Variants in FAIM observed in about 807,000 individuals in gnomAD.
FAIM encodes Fas apoptotic inhibitory molecule, also known as fas apoptotic inhibitory molecule 1.
Under a neutral mutation model 21.2 loss-of-function variants are expected in FAIM, and 14 were observed. That is an observed-to-expected ratio of 0.66 (90% CI 0.44 to 1.03). The LOEUF (loss-of-function observed/expected upper bound fraction) is 1.03, where lower values mean the gene tolerates loss of function less well. Among genes scored for constraint, FAIM ranks in the 50% least tolerant of loss-of-function variants. FAIM has a pLI of 0.00. For missense variants in FAIM, 222 were observed against 247.1 expected, an observed-to-expected ratio of 0.90 and a Z score of 0.68; for synonymous variants, 86 against 80.4, an observed-to-expected ratio of 1.07 and a Z score of -0.37.
At chr3:138,632,837 T>G (rs2108361554) in intron 5 of FAIM, 93 bp from the exon 6 acceptor site, 1 of 1,212,854 alleles carries the variant, frequency 8.2e-7, no homozygotes, top group East Asian at 2.5e-5. Flanking sequence ...TACATTATTT[T>G]ATTGCACTAC....
Position 138,622,396 on chromosome 3 carries a change from A to T in FAIM, c.386A>T (p.Glu129Val). Residue 129 changes from glutamate (E) to valine (V), a missense_variant, in exon 4 of 6, where the codon GAG becomes GTG. Transcript: ENST00000360570. ...ACTTGGGTATTACACATGGATGGTG[A>T]GAACTTTAGAATTGTTTTGGGTAAG... is the stretch of plus-strand genomic sequence containing the variant. ...TNTWVLHMDG[E>V]NFRIVLEKDA... 6.2e-7 allele frequency: 1 copy of T among 1,601,914 alleles called. No homozygotes were observed. The highest frequency in any genetic ancestry group is 8.5e-7 in the Non-Finnish European group (1 of 1,175,956).
chr3:138,622,423 T>A lies in FAIM; in HGVS notation c.406+7T>A. On this transcript the variant is annotated splice_region_variant and intron_variant, in intron 4 of 5. Transcript: ENST00000360570. ...AACTTTAGAATTGTTTTGGGTAAGT[T>A]AGTGCTGTTTCCGCAGAACTTTTTT... 1 of 1,555,610 alleles carries A rather than the reference T, an allele frequency of 6.4e-7. No homozygotes were observed. Among genetic ancestry groups the A allele is most frequent in the South Asian group, 1.2e-5 (1 of 82,540 alleles).
chr3:138,611,659 C>T (rs562675471), intron 1 of FAIM, among the ~76,000 whole-genome samples: 2 of 152,198 alleles, frequency 1.3e-5, no homozygotes, highest in South Asian at 4.1e-4. Flanking sequence ...GGGGCTGATC[C>T]CCAGTGAATA....
At chr3:138,612,363 A>T (rs1160937648) in intron 1 of FAIM, among the ~76,000 whole-genome samples, 1 of 151,986 alleles carries the variant, frequency 6.6e-6, no homozygotes, top group Non-Finnish European at 1.5e-5. Flanking sequence ...GGCCTCCCAA[A>T]GTGCTGGGAT....
Position 138,617,655 on chromosome 3 carries a change from A to T in FAIM, c.-16-2056A>T, listed in dbSNP as rs181202495. 2.8e-3 allele frequency among the ~76,000 whole-genome samples: 385 copies of T among 138,152 alleles called. 1 individual carries two copies. Among genetic ancestry groups the T allele is most frequent in the African/African-American group, 9.9e-3 (370 of 37,222 alleles). The allele number at this position is 138,152 out of a possible 152,430, so 90.6% of individuals were successfully genotyped here. A position where few individuals can be genotyped will look rare whatever the true frequency, so the allele number is the denominator to read the frequency against. On this transcript the variant is annotated intron_variant, in intron 1 of 5. Transcript: ENST00000360570. ...ATCTATATATCATATCTATATATAT[A>T]ATATATATATATATGTTTTGAGACA...
intron 1 of FAIM, chr3:138,609,206 G>A (rs2108326514): frequency 6.6e-6 from 1 of 152,026 alleles, no homozygotes; most frequent in East Asian, 2.0e-4. Context: ...GGCGGGACGC[G>A]GCTCCCGCTC....
chr3:138,614,531 A>C (rs2042806205), intron 1 of FAIM, among the ~76,000 whole-genome samples: 1 of 152,250 alleles, frequency 6.6e-6, no homozygotes, highest in Non-Finnish European at 1.5e-5. Context: ...TTGAATGGAA[A>C]AACTGAAGCC....
chr3:138,622,267 C>A lies in FAIM; in HGVS notation c.257C>A (p.Thr86Asn). 1 of 1,613,580 alleles carries A rather than the reference C, an allele frequency of 6.2e-7. No homozygotes were observed. Among genetic ancestry groups the A allele is most frequent in the Non-Finnish European group, 8.5e-7 (1 of 1,179,880 alleles). ...GTTGGAGCTGCAAAGACAAAAGCGA[C>A]CATAAATATAGACGCTATCAGTGGT... ...FYVGAAKTKA[T>N]INIDAISGFA... The change falls in exon 4 of 6, where the codon ACC becomes AAC. Residue 86 changes from threonine (T) to asparagine (N), a missense_variant. Transcript: ENST00000360570.
At chr3:138,609,553 T>A (rs1476357531) in intron 1 of FAIM, among the ~76,000 whole-genome samples, 2 of 81,720 alleles carry the variant, frequency 2.4e-5, no homozygotes, top group Non-Finnish European at 4.8e-5. Flanking sequence ...TCTCTCTCTC[T>A]CTCTCTCTCT....
At chr3:138,626,191 A>G (rs2042937419) in intron 4 of FAIM, among the ~76,000 whole-genome samples, 1 of 152,124 alleles carries the variant, frequency 6.6e-6, no homozygotes, top group South Asian at 2.1e-4. Context: ...TGCAGCAGCA[A>G]CTCCCATGAG....
chr3:138,619,039 C>A (rs1004236929), intron 1 of FAIM, among the ~76,000 whole-genome samples: 1 of 152,154 alleles, frequency 6.6e-6, no homozygotes, highest in African/African-American at 2.4e-5. Flanking sequence ...GTTACATGAG[C>A]AAGGCACATA....
intron 1 of FAIM, among the ~76,000 whole-genome samples, chr3:138,618,225 A>C (rs1161265536): frequency 1.3e-5 from 2 of 152,072 alleles, no homozygotes; most frequent in East Asian, 3.8e-4. Context: ...ATAATCCTTA[A>C]GAGTAGAAAA....
rs2305269 is a variant in FAIM at position 138,622,493 on chromosome 3, C to T, written c.406+77C>T. On this transcript the variant is annotated intron_variant, in intron 4 of 5. Coordinates refer to ENST00000360570, the MANE Select transcript of FAIM (RefSeq NM_001033031.2). ...TTTAATTCCTGTAACTGTATTCAGA[C>T]CTTCTATGGAGGTTTGAAAAGAAGA... The T allele has an allele frequency of 0.02, 18,834 of 936,798 alleles. 2,186 individuals carry two copies. The East Asian group carries it at 0.31, about 15-fold the overall frequency. 58.0% of individuals were successfully genotyped at this position (936,798 alleles called of 1,614,324 possible). A position where few individuals can be genotyped will look rare whatever the true frequency, so the allele number is the denominator to read the frequency against.
chr3:138,631,717 A>G (rs1415032752), intron 5 of FAIM, among the ~76,000 whole-genome samples: 34 of 152,150 alleles, frequency 2.2e-4, no homozygotes, highest in Admixed American at 2.2e-3. Context: ...TATTTGTCCA[A>G]TTGCCAAGAA....
chr3:138,626,844 A>C (rs947354669), intron 4 of FAIM, among the ~76,000 whole-genome samples: 10 of 152,224 alleles, frequency 6.6e-5, no homozygotes, highest in Non-Finnish European at 1.3e-4. Flanking sequence ...CAGGTTCTCC[A>C]GCAGAACATG....
chr3:138,628,998 T>A, intron 4 of FAIM, 109 bp from the exon 5 acceptor site: 1 of 746,968 alleles, frequency 1.3e-6, no homozygotes, highest in Non-Finnish European at 2.1e-6. Flanking sequence ...ATTAATGGAG[T>A]TTTAGAGATC....
At chr3:138,624,025 T>A (rs1331864109) in intron 4 of FAIM, among the ~76,000 whole-genome samples, 1 of 152,212 alleles carries the variant, frequency 6.6e-6, no homozygotes, top group East Asian at 1.9e-4. Context: ...TGTGCCAATC[T>A]GAATCTCATT....
rs190610348 is a variant in FAIM at position 138,612,121 on chromosome 3, G to A, written c.-17+3184G>A. Reference sequence around the variant, plus strand: ...ATTTTTTTTTTTTTTTTTTTTTTGAGACGGAGTCTCGCTCTGTCACCCAGG... The same window carrying A: ...ATTTTTTTTTTTTTTTTTTTTTTGAAACGGAGTCTCGCTCTGTCACCCAGG... On this transcript the variant is annotated intron_variant, in intron 1 of 5. Transcript: ENST00000360570. 5.2e-3 allele frequency among the ~76,000 whole-genome samples: 559 copies of A among 108,008 alleles called. 3 individuals are homozygous for A. The highest frequency in any genetic ancestry group is 0.021 in the African/African-American group (534 of 25,980). 70.9% of individuals were successfully genotyped at this position (108,008 alleles called of 152,430 possible).
rs541471370 is a variant in FAIM at position 138,613,267 on chromosome 3, G to T, written c.-17+4330G>T. On this transcript the variant is annotated intron_variant, in intron 1 of 5. Coordinates refer to ENST00000360570, the MANE Select transcript of FAIM (RefSeq NM_001033031.2). ...ACTCCTGACCTCAGGTGATCCACCC[G>T]CCTCAGCCTCCCAAATTGCTGGGAT... Among the ~76,000 whole-genome samples, 4 of 152,008 alleles carry T rather than the reference G, an allele frequency of 2.6e-5. No homozygotes were observed. In the East Asian group the frequency reaches 7.8e-4, roughly 30 times the overall value.
Sources: gnomAD v4.1 joint callset for allele counts (sites outside exome capture counted in the v4.1 genomes callset) on GRCh38, gnomAD v4.1.1 for gene constraint, MANE v1.5 for transcripts, NCBI Gene and HGNC (gene_info 2026-07-23, HGNC 2026-07-21) for gene names.